The following DSC2 variants were observed in gnomAD, a reference collection of about 807,000 sequenced individuals.
The protein encoded by DSC2 is desmocollin 2.
In DSC2, 51 loss-of-function variants were observed where a neutral mutation model predicts 87.6. The observed-to-expected ratio is 0.58, with a 90% CI of 0.46 to 0.74. The LOEUF is 0.74. Ranked by LOEUF, DSC2 falls within the 30% of genes least tolerant of loss-of-function variation. The pLI is 0.00. For synonymous variants in DSC2, 383 were observed against 393.2 expected (o/e 0.97, Z 0.31); for missense variants, 1,066 against 1,089.5 (o/e 0.98, Z 0.30).
At chr18:31,101,772 T>A in intron 1 of DSC2, 131 bp downstream of exon 1, 13 of 736,686 alleles carry the variant, frequency 1.8e-5, no homozygotes, top group Non-Finnish European at 1.8e-5. Flanking sequence ...CCAACTCCAT[T>A]TTCTAGCCAC....
chr18:31,092,383 C>T, intron 2 of DSC2, 83 bp from the exon 3 acceptor site: 1 of 1,211,372 alleles, frequency 8.3e-7, no homozygotes, highest in South Asian at 1.3e-5. Context: ...GTGGGGAGAG[C>T]CAAAAACTTA....
At position 31,102,061 on chromosome 18, in the gene DSC2, G is replaced by T. The variant is rs1987984031; in HGVS notation, c.-90C>A. The T allele has an allele frequency of 2.6e-6, 3 of 1,166,898 alleles. No homozygotes were observed. The highest frequency in any genetic ancestry group is 3.4e-6 in the Non-Finnish European group (3 of 886,428). 72.3% of individuals were successfully genotyped at this position (1,166,898 alleles called of 1,614,324 possible). ...AGGGCCGCGGCCGGAGCGCAGTCTG[G>T]GCCCGCTGCTCAGGAGGAGCGCGAG... On this transcript the variant is annotated 5_prime_UTR_variant, in exon 1 of 16. Transcript: ENST00000280904.
At position 31,069,168 on chromosome 18, in the gene DSC2, T is replaced by A. The variant is rs1490007866; in HGVS notation, c.2251-17A>T. The A allele has an allele frequency of 6.2e-7, 1 of 1,614,010 alleles. No homozygotes were observed. Among genetic ancestry groups the A allele is most frequent in the Non-Finnish European group, 8.5e-7 (1 of 1,179,958 alleles). ...CGCAGAATACTGAAATGAAAACAAT[T>A]TGCATTAGGGATAATACAGAGAGGA... On this transcript the variant is annotated splice_polypyrimidine_tract_variant and intron_variant, in intron 14 of 15. Coordinates refer to ENST00000280904, the MANE Select transcript of DSC2 (RefSeq NM_024422.6).
chr18:31,073,773 T>C (rs2144796647), intron 12 of DSC2, among the ~76,000 whole-genome samples: 1 of 152,322 alleles, frequency 6.6e-6, no homozygotes, highest in South Asian at 2.1e-4. Flanking sequence ...GGTGATAATG[T>C]AGACAGGTTG....
Position 31,063,848 on chromosome 18 carries a change from A to C in DSC2, c.*4167T>G, listed in dbSNP as rs1241301142. 1.3e-5 allele frequency: 2 copies of C among 152,340 alleles called. No homozygotes were observed. Among genetic ancestry groups the C allele is most frequent in the African/African-American group, 4.8e-5 (2 of 41,578 alleles). The allele number at this position is 152,340 out of a possible 1,614,324, so 9.4% of individuals were successfully genotyped here. A position where few individuals can be genotyped will look rare whatever the true frequency, so the allele number is the denominator to read the frequency against. ...TCAGGATGTAACCCCATCATAAGTC[A>C]AGAAGCATCTGTATTTAAAAGTGAT... On this transcript the variant is annotated 3_prime_UTR_variant, in exon 16 of 16. Coordinates refer to ENST00000280904, the MANE Select transcript of DSC2 (RefSeq NM_024422.6).
Position 31,062,203 on chromosome 18 carries a change from G to C in DSC2, c.*5812C>G, listed in dbSNP as rs572863886. 30 of 152,264 alleles carry C rather than the reference G, an allele frequency of 2.0e-4. No individual in the cohort carries two copies. The highest frequency in any genetic ancestry group is 6.5e-4 in the African/African-American group (27 of 41,560). The allele number at this position is 152,264 out of a possible 1,614,324, so 9.4% of individuals were successfully genotyped here. Reference sequence around the variant, plus strand: ...CAGAATGTTCTCCCAGCCTAACATGGAAAAAGCTCGTAGATGTATGCCACT... The same window carrying C: ...CAGAATGTTCTCCCAGCCTAACATGCAAAAAGCTCGTAGATGTATGCCACT... On this transcript the variant is annotated 3_prime_UTR_variant, in exon 16 of 16. Transcript: ENST00000280904.
chr18:31,068,168 T>G lies in DSC2; in HGVS notation c.2553A>C (p.Gln851His). Reference protein sequence around the residue: ...CNQDENHKHAQDYVLTYNYEG... With the variant: ...CNQDENHKHAHDYVLTYNYEG... ...CATAGTTATATGTCAGGACATAGTC[T>G]TGGGCATGCTTGTGATTTTCATCTT... Residue 851 changes from glutamine to histidine, a missense_variant, in exon 16 of 16, where the codon CAA (glutamine) becomes CAC (histidine). By Grantham distance (24) the Gln-to-His change is conservative. Coordinates refer to ENST00000280904, the MANE Select transcript of DSC2 (RefSeq NM_024422.6). 3 of 1,614,106 alleles carry G rather than the reference T, an allele frequency of 1.9e-6. No homozygotes were observed. Among genetic ancestry groups the G allele is most frequent in the Non-Finnish European group, 2.5e-6 (3 of 1,179,990 alleles).
chr18:31,084,531 T>A (rs1373747296), intron 7 of DSC2, among the ~76,000 whole-genome samples: 2 of 152,098 alleles, frequency 1.3e-5, no homozygotes. Flanking sequence ...GTCAAAAAGT[T>A]ACTAGAGAGC....
chr18:31,100,496 G>C (rs1043914325), intron 1 of DSC2, among the ~76,000 whole-genome samples: 1 of 152,208 alleles, frequency 6.6e-6, no homozygotes, highest in South Asian at 2.1e-4. Flanking sequence ...TCCATTCTTG[G>C]TTTCCTCATC....
At chr18:31,101,858 G>A in intron 1 of DSC2, 45 bp downstream of exon 1, 1 of 1,507,290 alleles carries the variant, frequency 6.6e-7, no homozygotes, top group South Asian at 1.2e-5. Context: ...CTGCACCCTA[G>A]GCGATCGCCC....
rs1165926938 is a variant in DSC2 at position 31,065,297 on chromosome 18, C to T, written c.*2718G>A. 6.6e-6 allele frequency: 1 copy of T among 152,206 alleles called. No homozygotes were observed. The highest frequency in any genetic ancestry group is 2.4e-5 in the African/African-American group (1 of 41,434). 9.4% of individuals were successfully genotyped at this position (152,206 alleles called of 1,614,324 possible). A position where few individuals can be genotyped will look rare whatever the true frequency, so the allele number is the denominator to read the frequency against. ...TGTCAGCAGTAAAGCAGAGTGGAGA[C>T]TGAAGCTAAATTGTTCCCAACTCAG... On this transcript the variant is annotated 3_prime_UTR_variant, in exon 16 of 16. Transcript: ENST00000280904.
rs1986466795 is a variant in DSC2, at chr18:31,059,800, T to A, written c.*8215A>T. On this transcript the variant is annotated 3_prime_UTR_variant, in exon 16 of 16. Transcript: ENST00000280904. Reference sequence around the variant, plus strand: ...TTAAAATACTACTATAGTTTATGTCTTTTCCCATTTAATTAAAGTTTTCAA... The same window carrying A: ...TTAAAATACTACTATAGTTTATGTCATTTCCCATTTAATTAAAGTTTTCAA... 1 of 152,326 alleles carries A rather than the reference T, an allele frequency of 6.6e-6. No individual in the cohort carries two copies. Among genetic ancestry groups the A allele is most frequent in the South Asian group, 2.1e-4 (1 of 4,828 alleles). 9.4% of individuals were successfully genotyped at this position (152,326 alleles called of 1,614,324 possible).
intron 9 of DSC2, 75 bp from the exon 10 acceptor site, chr18:31,080,427 T>C (rs1159363518): frequency 5.9e-6 from 9 of 1,532,342 alleles, no homozygotes; most frequent in Non-Finnish European, 8.0e-6. Flanking sequence ...ATATATAATG[T>C]TAAATTTGGA....
chr18:31,087,686 A>C lies in DSC2; in HGVS notation c.758T>G (p.Phe253Cys). The C allele has an allele frequency of 1.2e-6, 2 of 1,612,896 alleles. No individual in the cohort carries two copies. Among genetic ancestry groups the C allele is most frequent in the Non-Finnish European group, 1.7e-6 (2 of 1,179,800 alleles). ...FTEETYTFTI[F>C]ENCRVGTTVG... Reference sequence around the variant, plus strand: ...GTACTCACCCACTCTGCAATTTTCAAAAATTGTAAAAGTATAAGTTTCTTC... The same window carrying C: ...GTACTCACCCACTCTGCAATTTTCACAAATTGTAAAAGTATAAGTTTCTTC... Residue 253 changes from phenylalanine to cysteine, a missense_variant, in exon 6 of 16, where the codon TTT becomes TGT. Phe to Cys is a radical substitution (Grantham distance 205). Coordinates refer to ENST00000280904, the MANE Select transcript of DSC2 (RefSeq NM_024422.6).
intron 4 of DSC2, among the ~76,000 whole-genome samples, chr18:31,090,095 G>A (rs1987542512): frequency 6.6e-6 from 1 of 151,922 alleles, no homozygotes. Context: ...AAAAATATGA[G>A]TGAGAATAGA....
chr18:31,087,411 C>T (rs1053019105), intron 6 of DSC2, among the ~76,000 whole-genome samples: 12 of 152,146 alleles, frequency 7.9e-5, no homozygotes, highest in African/African-American at 2.9e-4. Flanking sequence ...GCTTGGCATT[C>T]GCTGTGTATT....
intron 15 of DSC2, among the ~76,000 whole-genome samples, 169 bp downstream of exon 15, chr18:31,068,725 C>A (rs958902190): frequency 6.6e-6 from 1 of 152,042 alleles, no homozygotes; most frequent in Admixed American, 6.6e-5. Context: ...AGTAAATAAC[C>A]ACTTAAATCT....
In DSC2 at chr18:31,079,835, A is replaced by G. The variant is rs1987144418; in HGVS notation, c.1663+12T>C. 9 of 1,613,864 alleles carry G rather than the reference A, an allele frequency of 5.6e-6. No individual in the cohort carries two copies. The highest frequency in any genetic ancestry group is 7.6e-6 in the Non-Finnish European group (9 of 1,179,882). On this transcript the variant is annotated intron_variant, in intron 11 of 15. Coordinates refer to ENST00000280904, the MANE Select transcript of DSC2 (RefSeq NM_024422.6). ...AAGGAAGTATGTAGCTGGCTTAAAGACAAATTCTTACCTTGGTCTGATGCA... is the reference window on the plus strand; with the variant it reads ...AAGGAAGTATGTAGCTGGCTTAAAGGCAAATTCTTACCTTGGTCTGATGCA...
At chr18:31,072,275 G>T (rs72922497) in intron 12 of DSC2, among the ~76,000 whole-genome samples, 9,590 of 152,146 alleles carry the variant, frequency 0.063, 395 homozygotes, top group Non-Finnish European at 0.091. Context: ...TTCAAAAATT[G>T]TGCCAAATAA....
Sources: gnomAD v4.1 joint callset for allele counts (sites outside exome capture counted in the v4.1 genomes callset) on GRCh38, gnomAD v4.1.1 for gene constraint, MANE v1.5 for transcripts, NCBI Gene and HGNC (gene_info 2026-07-23, HGNC 2026-07-21) for gene names.